NAP1L1: variants seen among roughly 807,000 people sequenced by gnomAD.
NAP1L1 encodes the protein nucleosome assembly protein 1 like 1.
In NAP1L1, 9 loss-of-function variants were observed where a neutral mutation model predicts 58.9. The observed-to-expected ratio is 0.15, with a 90% CI of 0.09 to 0.27. The LOEUF (loss-of-function observed/expected upper bound fraction) is 0.27. Ranked by LOEUF, NAP1L1 falls within the 10% of genes least tolerant of loss-of-function variation. The pLI is 1.00. For missense variants in NAP1L1, 302 were observed against 458.8 expected (o/e 0.66, Z 3.12); for synonymous variants, 130 against 138.3 (o/e 0.94, Z 0.42).
At chr12:76,061,146 C>T (rs1362639155) in intron 4 of NAP1L1, 1 of 277,044 alleles carries the variant, frequency 3.6e-6, no homozygotes, top group African/African-American at 2.3e-5. Context: ...ATACAATGAA[C>T]TGTGAAGCAC....
At chr12:76,073,966 A>AAAAT in intron 2 of NAP1L1, 1 of 393,342 alleles carries the variant, frequency 2.5e-6, no homozygotes, top group East Asian at 4.1e-5. Context: ...CATTTTCTTA[A>AAAAT]AAATAGTGAC....
At chr12:76,053,640 T>C (rs1006136158) in intron 9 of NAP1L1, 130 bp downstream of exon 9, 3 of 1,162,894 alleles carry the variant, frequency 2.6e-6, no homozygotes, top group African/African-American at 3.1e-5. Context: ...TAAGCACTTT[T>C]CAGAAAACAT....
chr12:76,059,906 T>C (rs1949323109), intron 5 of NAP1L1, 28 bp from the exon 6 acceptor site: 1 of 1,514,116 alleles, frequency 6.6e-7, no homozygotes, highest in Non-Finnish European at 9.0e-7. Context: ...AAAAAGGCTG[T>C]ATAAAAACAC....
At chr12:76,075,165 C>G (rs1158954246) in intron 1 of NAP1L1, among the ~76,000 whole-genome samples, 1 of 152,004 alleles carries the variant, frequency 6.6e-6, no homozygotes, top group Admixed American at 6.6e-5. Flanking sequence ...ATGTTAAAAT[C>G]AAGTTTATCT....
Position 76,041,205 on chromosome 12 carries a change from T to C in NAP1L1, c.*7224A>G, listed in dbSNP as rs187924403. On this transcript the variant is annotated 3_prime_UTR_variant, in exon 15 of 15. Coordinates refer to ENST00000618691, the MANE Select transcript of NAP1L1 (RefSeq NM_004537.7). ...CCCACACAGGATTATGGTTGGTACA[T>C]TGAATGGGTCTAGATAAATCCTAAC... The C allele has an allele frequency of 4.6e-5, 7 of 152,334 alleles. No homozygotes were observed. The highest frequency in any genetic ancestry group is 2.0e-4 in the Admixed American group (3 of 15,296). The allele number at this position is 152,334 out of a possible 1,614,324, so 9.4% of individuals were successfully genotyped here.
In NAP1L1 at chr12:76,048,411, G is replaced by A. The variant is rs1175335066; in HGVS notation, c.*18C>T. 1 of 1,612,886 alleles carries A rather than the reference G, an allele frequency of 6.2e-7. No homozygotes were observed. The highest frequency in any genetic ancestry group is 1.7e-5 in the Admixed American group (1 of 59,974). ...CTATTACAGTGCAGGTTATCCTCAA[G>A]GCCACATACATCCTGCTTCACTGCT... On this transcript the variant is annotated 3_prime_UTR_variant, in exon 15 of 15. Coordinates refer to ENST00000618691, the MANE Select transcript of NAP1L1 (RefSeq NM_004537.7).
At chr12:76,069,174 C>T (rs1345450216) in intron 2 of NAP1L1, among the ~76,000 whole-genome samples, 180 bp from the exon 3 acceptor site, 1 of 152,214 alleles carries the variant, frequency 6.6e-6, no homozygotes, top group Non-Finnish European at 1.5e-5. Flanking sequence ...GAAGTGCTTA[C>T]ACTTTCATTA....
intron 1 of NAP1L1, 79 bp downstream of exon 1, chr12:76,084,488 T>C (rs2137137355): frequency 6.6e-6 from 1 of 152,382 alleles, no homozygotes; most frequent in African/African-American, 2.4e-5. Flanking sequence ...AGTCCCTCCA[T>C]CCCTCCGGCC....
intron 4 of NAP1L1, among the ~76,000 whole-genome samples, chr12:76,064,783 T>C (rs1054451658): frequency 6.6e-6 from 1 of 151,664 alleles, no homozygotes; most frequent in South Asian, 2.1e-4. Context: ...CTTGAATAAA[T>C]TAGTATGTTT....
rs1395438448 is a variant in NAP1L1, at chr12:76,055,180, A to G, written c.559-90T>C. 12 of 842,542 alleles carry G rather than the reference A, an allele frequency of 1.4e-5. No individual in the cohort carries two copies. The Admixed American group carries it at 3.4e-4, about 24-fold the overall frequency. The allele number at this position is 842,542 out of a possible 1,614,324, so 52.2% of individuals were successfully genotyped here. On this transcript the variant is annotated intron_variant, in intron 7 of 14. Transcript: ENST00000618691. ...ACAAACACCAGCTGACTGAGACATAATATATTTCAAAGTAGTTTTGTATAG... is the reference window on the plus strand; with the variant it reads ...ACAAACACCAGCTGACTGAGACATAGTATATTTCAAAGTAGTTTTGTATAG...
chr12:76,059,890 T>C lies in NAP1L1; in HGVS notation c.349-12A>G. On this transcript the variant is annotated splice_polypyrimidine_tract_variant and intron_variant, in intron 5 of 14. Transcript: ENST00000618691. ...ATAATTTCAAATCGCTAAAATGATTTAAAAAAAAAAGGCTGTATAAAAACA... is the reference window on the plus strand; with the variant it reads ...ATAATTTCAAATCGCTAAAATGATTCAAAAAAAAAAGGCTGTATAAAAACA... 1.1e-5 allele frequency: 15 copies of C among 1,410,362 alleles called. No homozygotes were observed. The highest frequency in any genetic ancestry group is 1.4e-5 in the Non-Finnish European group (15 of 1,040,704). 87.4% of individuals were successfully genotyped at this position (1,410,362 alleles called of 1,614,324 possible). A position where few individuals can be genotyped will look rare whatever the true frequency, so the allele number is the denominator to read the frequency against.
intron 2 of NAP1L1, among the ~76,000 whole-genome samples, chr12:76,071,826 C>G (rs1025774262): frequency 6.6e-6 from 1 of 152,032 alleles, no homozygotes; most frequent in African/African-American, 2.4e-5. Flanking sequence ...ACAACAGACA[C>G]AGTCAACAGT....
At position 76,038,421 on chromosome 12, in the gene NAP1L1, TG is replaced by T. The variant is rs1487361720; in HGVS notation, c.*10007del. 1 of 152,140 alleles carries T rather than the reference TG, an allele frequency of 6.6e-6. No homozygotes were observed. The highest frequency in any genetic ancestry group is 1.9e-4 in the East Asian group (1 of 5,202). The allele number at this position is 152,140 out of a possible 1,614,324, so 9.4% of individuals were successfully genotyped here. A position where few individuals can be genotyped will look rare whatever the true frequency, so the allele number is the denominator to read the frequency against. ...TTCCATTGCCACAAAACACACAGCC[TG>T]AGGACATAGGCTGTTCAATTTGATC... is the stretch of plus-strand genomic sequence containing the variant. On this transcript the variant is annotated 3_prime_UTR_variant, in exon 15 of 15. Transcript: ENST00000618691.
chr12:76,075,360 T>C (rs747570729), intron 1 of NAP1L1, among the ~76,000 whole-genome samples: 8 of 152,144 alleles, frequency 5.3e-5, no homozygotes, highest in Non-Finnish European at 1.2e-4. Context: ...AAAATTAAAA[T>C]CTTAATACAT....
chr12:76,079,664 C>G (rs1220844235), intron 1 of NAP1L1, among the ~76,000 whole-genome samples: 3 of 150,656 alleles, frequency 2.0e-5, no homozygotes, highest in Admixed American at 6.6e-5. Context: ...ATAACTGACC[C>G]TAAAAACATG....
rs914282919 is a variant in NAP1L1 at position 76,041,311 on chromosome 12, C to A, written c.*7118G>T. On this transcript the variant is annotated 3_prime_UTR_variant, in exon 15 of 15. Transcript: ENST00000618691. ...GGAAATTAGGAAACTCATTAATAAG[C>A]AAGTGTTTCTAGAGTATTTTGAACT... 6.6e-6 allele frequency: 1 copy of A among 152,168 alleles called. No individual in the cohort carries two copies. The highest frequency in any genetic ancestry group is 2.1e-4 in the South Asian group (1 of 4,830). The allele number at this position is 152,168 out of a possible 1,614,324, so 9.4% of individuals were successfully genotyped here.
intron 2 of NAP1L1, among the ~76,000 whole-genome samples, chr12:76,069,552 T>A (rs1239055929): frequency 1.3e-5 from 2 of 152,182 alleles, no homozygotes; most frequent in Non-Finnish European, 2.9e-5. Context: ...GCAGCCACAC[T>A]GGACCAGGAG....
intron 1 of NAP1L1, among the ~76,000 whole-genome samples, chr12:76,077,867 C>T (rs1950242931): frequency 6.6e-6 from 1 of 150,860 alleles, no homozygotes; most frequent in African/African-American, 2.4e-5. Context: ...ACCTGTAGTC[C>T]CAGCTACTCA....
chr12:76,070,215 C>T (rs946684730), intron 2 of NAP1L1, among the ~76,000 whole-genome samples: 3 of 152,110 alleles, frequency 2.0e-5, no homozygotes, highest in Non-Finnish European at 4.4e-5. Context: ...CTCTGCCCCC[C>T]AAGCTCAAGC....
Sources: allele counts gnomAD v4.1 joint callset (sites outside exome capture counted in the v4.1 genomes callset), GRCh38; gene constraint gnomAD v4.1.1; transcripts MANE v1.5; gene names NCBI Gene and HGNC (gene_info 2026-07-23, HGNC 2026-07-21).